The following ZNF385D variants were observed in gnomAD, a reference collection of about 807,000 sequenced individuals.
ZNF385D encodes the protein zinc finger protein 385D.
A neutral mutation model predicts 35.8 loss-of-function variants in ZNF385D; 15 were observed. The observed-to-expected ratio is 0.42, with a 90% CI of 0.28 to 0.64. The LOEUF is 0.64. Ranked by LOEUF, ZNF385D falls within the 30% of genes least tolerant of loss-of-function variation. The pLI is 0.23. For synonymous variants in ZNF385D, 212 were observed against 186.8 expected, an observed-to-expected ratio of 1.13 and a Z score of -1.10; for missense variants, 474 against 494.6, an observed-to-expected ratio of 0.96 and a Z score of 0.39.
intron 3 of ZNF385D, among the ~76,000 whole-genome samples, chr3:21,765,985 T>C (rs1185460476): frequency 6.6e-6 from 1 of 152,086 alleles, no homozygotes; most frequent in Non-Finnish European, 1.5e-5. Context: ...GGTCAAGTAT[T>C]GTATACCAGC....
intron 3 of ZNF385D, among the ~76,000 whole-genome samples, chr3:22,154,020 C>T (rs1306230615): frequency 6.6e-6 from 1 of 152,090 alleles, no homozygotes; most frequent in Admixed American, 6.6e-5. Context: ...CTTTAGCTTA[C>T]TTTCCATTTC....
At chr3:21,834,809 G>A (rs1422345795) in intron 3 of ZNF385D, among the ~76,000 whole-genome samples, 1 of 151,916 alleles carries the variant, frequency 6.6e-6, no homozygotes, top group Non-Finnish European at 1.5e-5. Flanking sequence ...TTTTGGGATA[G>A]TGAGTGAGTT....
intron 3 of ZNF385D, among the ~76,000 whole-genome samples, chr3:22,019,478 G>C (rs774088728): frequency 2.0e-5 from 3 of 151,828 alleles, no homozygotes; most frequent in Non-Finnish European, 2.9e-5. Flanking sequence ...ATTCAGTAAA[G>C]ATACTAATTG....
chr3:22,103,976 G>C (rs1702074783), intron 3 of ZNF385D, among the ~76,000 whole-genome samples: 1 of 152,072 alleles, frequency 6.6e-6, no homozygotes, highest in Non-Finnish European at 1.5e-5. Flanking sequence ...CCAGCAGCAT[G>C]AGAAATTTAT....
At chr3:21,796,865 C>G (rs910392004) in intron 3 of ZNF385D, among the ~76,000 whole-genome samples, 13 of 152,194 alleles carry the variant, frequency 8.5e-5, no homozygotes, top group Admixed American at 7.9e-4. Flanking sequence ...GCACTGGTAA[C>G]TTGTTGACAG....
At chr3:21,693,354 G>T (rs1468149660) in intron 1 of ZNF385D, among the ~76,000 whole-genome samples, 1 of 152,100 alleles carries the variant, frequency 6.6e-6, no homozygotes, top group Admixed American at 6.6e-5. Context: ...CCATATCAGT[G>T]ATCATCTTGG....
intron 3 of ZNF385D, among the ~76,000 whole-genome samples, chr3:21,951,604 T>G (rs1469578829): frequency 6.6e-6 from 1 of 151,522 alleles, no homozygotes; most frequent in Admixed American, 6.6e-5. Flanking sequence ...AAGACCCTAT[T>G]TTCTGAATTA....
chr3:21,505,815 A>G (rs780190886), intron 4 of ZNF385D, among the ~76,000 whole-genome samples: 2 of 152,188 alleles, frequency 1.3e-5, no homozygotes, highest in Non-Finnish European at 2.9e-5. Flanking sequence ...AACATGGGTC[A>G]TATGTAACAT....
chr3:21,535,759 T>C (rs1415528930), intron 3 of ZNF385D, among the ~76,000 whole-genome samples: 1 of 152,046 alleles, frequency 6.6e-6, no homozygotes, highest in Non-Finnish European at 1.5e-5. Flanking sequence ...AACTAGCCAC[T>C]TTTACATGTG....
intron 1 of ZNF385D, among the ~76,000 whole-genome samples, chr3:21,681,261 A>T (rs1165267768): frequency 7.0e-6 from 1 of 143,620 alleles, no homozygotes; most frequent in Non-Finnish European, 1.5e-5. Flanking sequence ...TAAATAAGTC[A>T]TAGATTCAGA....
intron 4 of ZNF385D, among the ~76,000 whole-genome samples, chr3:21,509,092 G>A (rs1707006105): frequency 6.6e-6 from 1 of 151,524 alleles, no homozygotes; most frequent in Admixed American, 6.6e-5. Context: ...CAAGTTAGCA[G>A]CTCTACCTAC....
intron 3 of ZNF385D, among the ~76,000 whole-genome samples, chr3:21,898,768 T>C (rs1158790749): frequency 2.6e-5 from 4 of 152,246 alleles, no homozygotes; most frequent in African/African-American, 9.6e-5. Context: ...TTCCCTGATC[T>C]TATAATCTTT....
chr3:21,518,083 T>C (rs1707689802), intron 3 of ZNF385D, among the ~76,000 whole-genome samples: 1 of 152,202 alleles, frequency 6.6e-6, no homozygotes, highest in East Asian at 1.9e-4. Context: ...TAAGTATAAA[T>C]GCATTTTACT....
Position 21,412,899 on chromosome 3 carries a change from T to C in ZNF385D, c.*8315A>G, listed in dbSNP as rs78447016. 1 of 152,066 alleles carries C rather than the reference T, an allele frequency of 6.6e-6. No homozygotes were observed. Among genetic ancestry groups the C allele is most frequent in the Admixed American group, 6.6e-5 (1 of 15,260 alleles). 9.4% of individuals were successfully genotyped at this position (152,066 alleles called of 1,614,324 possible). On this transcript the variant is annotated 3_prime_UTR_variant, in exon 8 of 8. Transcript: ENST00000281523. Reference sequence around the variant, plus strand: ...CTTCATTTTATAGTGGGGGAAATTATTGGCATATGGGGGATTTTATCACAT... The same window carrying C: ...CTTCATTTTATAGTGGGGGAAATTACTGGCATATGGGGGATTTTATCACAT...
At chr3:22,009,748 C>G (rs1696452525) in intron 3 of ZNF385D, among the ~76,000 whole-genome samples, 1 of 150,958 alleles carries the variant, frequency 6.6e-6, no homozygotes, top group Admixed American at 6.6e-5. Flanking sequence ...TTATAAATAC[C>G]AAAATCTGGA....
intron 3 of ZNF385D, among the ~76,000 whole-genome samples, chr3:21,995,086 C>T (rs1035617658): frequency 2.0e-5 from 3 of 152,200 alleles, no homozygotes; most frequent in Admixed American, 2.0e-4. Context: ...GTCGTCAGGC[C>T]CCTGGGCAGT....
intron 2 of ZNF385D, among the ~76,000 whole-genome samples, chr3:22,343,365 T>A (rs892363620): frequency 2.0e-5 from 3 of 152,224 alleles, no homozygotes; most frequent in Non-Finnish European, 4.4e-5. Flanking sequence ...TACTTCCTCT[T>A]TATTTCCAGG....
chr3:22,064,335 A>C (rs1018249588), intron 3 of ZNF385D, among the ~76,000 whole-genome samples: 2 of 152,184 alleles, frequency 1.3e-5, no homozygotes, highest in African/African-American at 4.8e-5. Context: ...GATTTTTGTG[A>C]TAATTTGCAT....
At chr3:21,696,608 C>A (rs75541314) in intron 1 of ZNF385D, among the ~76,000 whole-genome samples, 5,483 of 152,290 alleles carry the variant, frequency 0.036, 152 homozygotes, top group South Asian at 0.094. Context: ...CTGATCCAAT[C>A]GGCATAACTG....
Sources: allele counts gnomAD v4.1 joint callset (sites outside exome capture counted in the v4.1 genomes callset), GRCh38; gene constraint gnomAD v4.1.1; transcripts MANE v1.5; gene names NCBI Gene and HGNC (gene_info 2026-07-23, HGNC 2026-07-21).